The following COL13A1 variants were observed in gnomAD, a reference collection of about 807,000 sequenced individuals.
COL13A1 encodes collagen type XIII alpha 1 chain, also known as collagen alpha-1(XIII) chain.
A neutral mutation model predicts 130.9 loss-of-function variants in COL13A1; 89 were observed. That is an observed-to-expected ratio of 0.68 (90% CI 0.57 to 0.81). COL13A1 has a LOEUF of 0.81. COL13A1 is among the 30% of genes least tolerant of loss of function. COL13A1 has a pLI of 0.00. For synonymous variants in COL13A1, 402 were observed against 341.6 expected (o/e 1.18, Z -1.95); for missense variants, 879 against 934.6 (o/e 0.94, Z 0.78).
At chr10:69,884,158 G>A (rs139271776) in intron 7 of COL13A1, among the ~76,000 whole-genome samples, 34 of 152,334 alleles carry the variant, frequency 2.2e-4, no homozygotes, top group Middle Eastern at 3.4e-3. Flanking sequence ...ACTGTCATCT[G>A]CTGCTGGAAG....
At chr10:69,941,061 A>C (rs2067565617) in intron 35 of COL13A1, 38 bp downstream of exon 35, 2 of 1,610,628 alleles carry the variant, frequency 1.2e-6, no homozygotes, top group Non-Finnish European at 1.7e-6. Context: ...ACCCCACTCC[A>C]CTCCACACCT....
rs142519575 is a variant in COL13A1, at chr10:69,891,389, G to A, written c.603+1949G>A. Among the ~76,000 whole-genome samples, 185 of 152,302 alleles carry A rather than the reference G, an allele frequency of 1.2e-3. 6 individuals carry two copies. The highest frequency in any genetic ancestry group is 4.0e-3 in the African/African-American group (168 of 41,564). On this transcript the variant is annotated intron_variant, in intron 10 of 40. Transcript: ENST00000645393. ...GGGAATGTGCTTTCTGGACATGGGA[G>A]AATAGCACGTGCAAAGGTCCTGAGG...
rs1490340852 is a variant in COL13A1, at chr10:69,930,101, T to A, written c.1530+14T>A. 5.0e-6 allele frequency: 8 copies of A among 1,613,062 alleles called. No individual in the cohort carries two copies. Among genetic ancestry groups the A allele is most frequent in the African/African-American group, 1.3e-5 (1 of 74,862 alleles). ...GATGGGGAAAAGGTATGAACAGACG[T>A]CCTCTGGTCAAACCTCTGAAGACAG... On this transcript the variant is annotated intron_variant, in intron 29 of 40. Transcript: ENST00000645393.
chr10:69,881,372 C>T (rs966264219), intron 7 of COL13A1, among the ~76,000 whole-genome samples: 28 of 152,150 alleles, frequency 1.8e-4, no homozygotes, highest in Non-Finnish European at 1.5e-5. Flanking sequence ...CAGCAGGCCG[C>T]CGGCTCCACC....
intron 3 of COL13A1, among the ~76,000 whole-genome samples, chr10:69,871,068 C>T (rs765098090): frequency 1.2e-4 from 18 of 152,086 alleles, no homozygotes; most frequent in Non-Finnish European, 2.5e-4. Context: ...AGGTTGGACC[C>T]TCCTCACCCT....
In COL13A1 at chr10:69,958,695, G is replaced by T. The variant is rs1186009331; in HGVS notation, c.2185-4G>T. The stretch of plus-strand genomic sequence containing the variant: ...CAGAACATTGTTTTGTTTTTGTTTT[G>T]CAGTGATGCCTCTAACCTTGGATTG... On this transcript the variant is annotated splice_polypyrimidine_tract_variant and splice_region_variant and intron_variant, in intron 40 of 40. Transcript: ENST00000645393. 6.2e-7 allele frequency: 1 copy of T among 1,613,852 alleles called. No homozygotes were observed. The highest frequency in any genetic ancestry group is 1.7e-5 in the Admixed American group (1 of 60,000).
chr10:69,872,088 T>G, intron 3 of COL13A1, 96 bp from the exon 4 acceptor site: 2 of 1,406,334 alleles, frequency 1.4e-6, no homozygotes, highest in Non-Finnish European at 2.0e-6. Flanking sequence ...CTTACCCAAG[T>G]GGCATGCCAA....
At chr10:69,883,806 G>A (rs1589281159) in intron 7 of COL13A1, among the ~76,000 whole-genome samples, 1 of 152,208 alleles carries the variant, frequency 6.6e-6, no homozygotes, top group East Asian at 1.9e-4. Flanking sequence ...GACCAGATTT[G>A]CAGTTTACAA....
intron 35 of COL13A1, among the ~76,000 whole-genome samples, chr10:69,941,528 G>C (rs141804973): frequency 2.0e-5 from 3 of 152,196 alleles, no homozygotes; most frequent in Non-Finnish European, 4.4e-5. Flanking sequence ...GAGGACAGGA[G>C]TAGCCTGCAG....
Position 69,937,586 on chromosome 10 carries a change from G to A in COL13A1, c.1798-49G>A, listed in dbSNP as rs750767387. 3 of 893,508 alleles carry A rather than the reference G, an allele frequency of 3.4e-6. No individual in the cohort carries two copies. In the East Asian group the frequency reaches 7.2e-5, roughly 21 times the overall value. The allele number at this position is 893,508 out of a possible 1,614,324, so 55.3% of individuals were successfully genotyped here. A position where few individuals can be genotyped will look rare whatever the true frequency, so the allele number is the denominator to read the frequency against. ...GGACCCCAGAATGCAAGAATGAATT[G>A]TCTGGGACATGTCCTTGTGTGATCT... On this transcript the variant is annotated intron_variant, in intron 33 of 40. Coordinates refer to ENST00000645393, the MANE Select transcript of COL13A1 (RefSeq NM_001368882.1).
At chr10:69,902,097 C>T (rs1409379767) in intron 14 of COL13A1, among the ~76,000 whole-genome samples, 3 of 152,182 alleles carry the variant, frequency 2.0e-5, no homozygotes, top group Non-Finnish European at 4.4e-5. Context: ...AACAGGCAGC[C>T]ACTCCTTGGA....
chr10:69,939,722 C>T (rs1030377740), intron 34 of COL13A1, among the ~76,000 whole-genome samples: 2 of 152,136 alleles, frequency 1.3e-5, no homozygotes, highest in Non-Finnish European at 2.9e-5. Context: ...TGAATTGCAT[C>T]GGGCTGGGAT....
intron 17 of COL13A1, among the ~76,000 whole-genome samples, chr10:69,911,711 A>G (rs1149695): frequency 0.95 from 145,379 of 152,362 alleles, 69,716 homozygotes; most frequent in Non-Finnish European, 1. Context: ...GCATGTCTGC[A>G]GAGTCTGCAG....
At chr10:69,880,604 T>C in intron 7 of COL13A1, 51 bp downstream of exon 7, 1 of 1,586,832 alleles carries the variant, frequency 6.3e-7, no homozygotes, top group Non-Finnish European at 8.6e-7. Context: ...GGTGAGTTGA[T>C]GAAAAGGGCT....
intron 2 of COL13A1, chr10:69,860,766 A>C: frequency 4.1e-6 from 1 of 243,744 alleles, no homozygotes; most frequent in Non-Finnish European, 8.1e-6. Context: ...CCCCATTCCA[A>C]GGGATGTGGG....
rs770671266 is a variant in COL13A1 at position 69,898,737 on chromosome 10, C to T, written c.725C>T (p.Pro242Leu). The change falls in exon 14 of 41, where the codon CCG (proline) becomes CTG (leucine). Residue 242 changes from proline (P) to leucine (L), a missense_variant. Coordinates refer to ENST00000645393, the MANE Select transcript of COL13A1 (RefSeq NM_001368882.1). ...LLNSVRLAPP[P>L]VIKRRTFQGE... ...AATTCAGTGCGACTGGCTCCACCCC[C>T]GGTCATAAAAAGGCGGACGTTCCAG... 21 of 1,613,264 alleles carry T rather than the reference C, an allele frequency of 1.3e-5. No individual in the cohort carries two copies. Among genetic ancestry groups the T allele is most frequent in the Non-Finnish European group, 1.6e-5 (19 of 1,179,618 alleles).
intron 21 of COL13A1, 97 bp downstream of exon 21, chr10:69,919,824 C>T (rs545399361): frequency 5.0e-6 from 2 of 398,186 alleles, no homozygotes; most frequent in South Asian, 1.3e-4. Flanking sequence ...TCGCCTGCAG[C>T]GTGCTGTTGG....
chr10:69,874,599 G>A (rs2059401839), intron 4 of COL13A1, among the ~76,000 whole-genome samples: 1 of 152,198 alleles, frequency 6.6e-6, no homozygotes. Context: ...GCCGAGAGGA[G>A]GGAGGAGTGG....
At chr10:69,809,358 T>C (rs1446890938) in intron 1 of COL13A1, among the ~76,000 whole-genome samples, 1 of 152,206 alleles carries the variant, frequency 6.6e-6, no homozygotes, top group Non-Finnish European at 1.5e-5. Context: ...ATTTATTGAG[T>C]TTACGCTGTG....
Sources: gnomAD v4.1 joint callset for allele counts (sites outside exome capture counted in the v4.1 genomes callset) on GRCh38, gnomAD v4.1.1 for gene constraint, MANE v1.5 for transcripts, NCBI Gene and HGNC (gene_info 2026-07-23, HGNC 2026-07-21) for gene names.